CAPN8: variants seen among roughly 807,000 people sequenced by gnomAD.
The protein encoded by CAPN8 is calpain-8.
In CAPN8, 87 loss-of-function variants were observed where a neutral mutation model predicts 80.9. That is an observed-to-expected ratio of 1.07 (90% confidence interval 0.90 to 1.28). The LOEUF (loss-of-function observed/expected upper bound fraction) is 1.28, where lower values mean the gene tolerates loss of function less well. Ranked by LOEUF, CAPN8 falls within the 50% of genes most tolerant of loss-of-function variation. CAPN8 has a pLI of 0.00. For missense variants in CAPN8, 757 were observed against 702.0 expected (o/e 1.08, Z -0.89); for synonymous variants, 299 against 273.8 (o/e 1.09, Z -0.91).
intron 1 of CAPN8, among the ~76,000 whole-genome samples, chr1:223,662,797 T>C (rs1006640293): frequency 2.6e-5 from 4 of 152,212 alleles, no homozygotes; most frequent in Non-Finnish European, 4.4e-5. Flanking sequence ...GAAAAAATAA[T>C]AATGAAGCAT....
chr1:223,657,939 T>C (rs1017458777), intron 1 of CAPN8, among the ~76,000 whole-genome samples: 7 of 152,154 alleles, frequency 4.6e-5, no homozygotes, highest in Non-Finnish European at 2.9e-5. Context: ...CTCTCTGAAA[T>C]TGACTTCCAT....
chr1:223,619,268 G>T (rs940237629), intron 9 of CAPN8, 25 bp downstream of exon 9: 18 of 1,550,502 alleles, frequency 1.2e-5, no homozygotes, highest in Non-Finnish European at 1.3e-5. Context: ...GGAGGAGGTT[G>T]GGCCAAGGCA....
In CAPN8 at chr1:223,628,701, C is replaced by T; in HGVS notation, c.387G>A (p.Gln129=). ...ELLYRVVPRD[Q]DFQENYAGIF... ...TTCCCGCATAGTTCTCCTGGAAGTCCTGGTCCCTGGGGACCACCCGGTAAA... is the reference window on the plus strand; with the variant it reads ...TTCCCGCATAGTTCTCCTGGAAGTCTTGGTCCCTGGGGACCACCCGGTAAA... Residue 129 remains glutamine, a synonymous_variant, in exon 3 of 21, where the codon CAG becomes CAA. Coordinates refer to ENST00000366872, the MANE Select transcript of CAPN8 (RefSeq NM_001143962.2). The T allele has an allele frequency of 6.4e-7, 1 of 1,551,732 alleles. No individual in the cohort carries two copies. The highest frequency in any genetic ancestry group is 8.7e-7 in the Non-Finnish European group (1 of 1,146,974).
chr1:223,618,987 C>T (rs533013678), intron 9 of CAPN8, among the ~76,000 whole-genome samples: 96 of 152,226 alleles, frequency 6.3e-4, no homozygotes, highest in African/African-American at 2.2e-3. Context: ...CCTAGGAGCT[C>T]GAGACCAGCC....
rs537711494 is a variant in CAPN8 at position 223,625,239 on chromosome 1, G to T, written c.813+566C>A. ...GGACTACTGCCCCTTTTCCTGTTTT[G>T]GGATTTTGTGAGTTCCCACTGTTTT... On this transcript the variant is annotated intron_variant, in intron 6 of 20. Coordinates refer to ENST00000366872, the MANE Select transcript of CAPN8 (RefSeq NM_001143962.2). Among the ~76,000 whole-genome samples the T allele has an allele frequency of 1.7e-3, 263 of 152,152 alleles. 2 individuals carry two copies. Among genetic ancestry groups the T allele is most frequent in the African/African-American group, 6.1e-3 (255 of 41,526 alleles).
At chr1:223,633,479 T>C (rs1225464528) in intron 2 of CAPN8, among the ~76,000 whole-genome samples, 3 of 151,006 alleles carry the variant, frequency 2.0e-5, no homozygotes, top group Non-Finnish European at 2.9e-5. Flanking sequence ...CTGGTCAACA[T>C]GGTGAAACCC....
chr1:223,541,959 C>G (rs2102684054), intron 20 of CAPN8, 100 bp from the exon 21 acceptor site: 1 of 1,526,686 alleles, frequency 6.6e-7, no homozygotes, highest in Non-Finnish European at 8.9e-7. Flanking sequence ...ATCTTTTTAT[C>G]TCCATTCTCC....
At chr1:223,647,120 G>A (rs1017685288) in intron 2 of CAPN8, among the ~76,000 whole-genome samples, 1 of 152,136 alleles carries the variant, frequency 6.6e-6, no homozygotes, top group African/African-American at 2.4e-5. Flanking sequence ...CCTCTGAGTA[G>A]GTGACACTGG....
At position 223,616,165 on chromosome 1, in the gene CAPN8, T is replaced by C. The variant is rs752583455; in HGVS notation, c.1136-20A>G. The C allele has an allele frequency of 1.3e-6, 2 of 1,540,108 alleles. No individual in the cohort carries two copies. Among genetic ancestry groups the C allele is most frequent in the Non-Finnish European group, 1.8e-6 (2 of 1,138,840 alleles). Reference sequence around the variant, plus strand: ...ACGTGGCTGGAAGTCACCCAGGTGATGGTGGTTCCCCACGTAGCGGGTGAG... The same window carrying C: ...ACGTGGCTGGAAGTCACCCAGGTGACGGTGGTTCCCCACGTAGCGGGTGAG... On this transcript the variant is annotated intron_variant, in intron 9 of 20. Coordinates refer to ENST00000366872, the MANE Select transcript of CAPN8 (RefSeq NM_001143962.2).
At chr1:223,557,676 C>T (rs36194670) in intron 13 of CAPN8, among the ~76,000 whole-genome samples, 96,294 of 152,100 alleles carry the variant, frequency 0.63, 31,465 homozygotes, top group Non-Finnish European at 0.72. Flanking sequence ...TAGGCACTCC[C>T]CCAGCACCCC....
At chr1:223,622,082 A>G (rs1657415233) in intron 7 of CAPN8, among the ~76,000 whole-genome samples, 1 of 152,184 alleles carries the variant, frequency 6.6e-6, no homozygotes, top group Non-Finnish European at 1.5e-5. Flanking sequence ...TTAGGATTAC[A>G]GGCCTGAGCC....
chr1:223,549,044 A>C (rs764885696), intron 16 of CAPN8, among the ~76,000 whole-genome samples: 7 of 152,150 alleles, frequency 4.6e-5, no homozygotes, highest in Non-Finnish European at 8.8e-5. Context: ...TGCTACCTCC[A>C]GATTACATGA....
chr1:223,625,131 G>T (rs928878388), intron 6 of CAPN8, among the ~76,000 whole-genome samples: 3 of 152,142 alleles, frequency 2.0e-5, no homozygotes, highest in African/African-American at 7.2e-5. Context: ...ATAATGACTA[G>T]TATAGCCCAT....
At chr1:223,631,449 G>T (rs1462755665) in intron 2 of CAPN8, among the ~76,000 whole-genome samples, 2 of 151,972 alleles carry the variant, frequency 1.3e-5, no homozygotes, top group African/African-American at 2.4e-5. Context: ...CACCTCCCCA[G>T]CAAGTTCTAA....
chr1:223,541,779 G>C lies in CAPN8; in HGVS notation c.*57C>G. Reference sequence around the variant, plus strand: ...AAATGTTCACAAAATTGTAGAGAAGGGGTGACAAGAAGCAAGCAGTGGGGC... The same window carrying C: ...AAATGTTCACAAAATTGTAGAGAAGCGGTGACAAGAAGCAAGCAGTGGGGC... On this transcript the variant is annotated 3_prime_UTR_variant, in exon 21 of 21. Coordinates refer to ENST00000366872, the MANE Select transcript of CAPN8 (RefSeq NM_001143962.2). 6.4e-7 allele frequency: 1 copy of C among 1,551,318 alleles called. No individual in the cohort carries two copies. Among genetic ancestry groups the C allele is most frequent in the Non-Finnish European group, 8.7e-7 (1 of 1,146,862 alleles).
At chr1:223,640,387 A>G (rs775808337) in intron 2 of CAPN8, among the ~76,000 whole-genome samples, 1 of 152,196 alleles carries the variant, frequency 6.6e-6, no homozygotes, top group Non-Finnish European at 1.5e-5. Flanking sequence ...TCTACTGCCT[A>G]TAGGAAAACA....
At chr1:223,632,639 G>A (rs1027493382) in intron 2 of CAPN8, among the ~76,000 whole-genome samples, 2 of 151,984 alleles carry the variant, frequency 1.3e-5, no homozygotes, top group Non-Finnish European at 2.9e-5. Flanking sequence ...CTAAGTGCTG[G>A]GATTATAAGC....
At chr1:223,645,746 A>G (rs1397391235) in intron 2 of CAPN8, among the ~76,000 whole-genome samples, 2 of 152,216 alleles carry the variant, frequency 1.3e-5, no homozygotes, top group African/African-American at 2.4e-5. Flanking sequence ...GCAAGAATGC[A>G]GACCAAAGTA....
At chr1:223,614,662 T>C (rs1657120736) in intron 10 of CAPN8, among the ~76,000 whole-genome samples, 1 of 152,212 alleles carries the variant, frequency 6.6e-6, no homozygotes, top group African/African-American at 2.4e-5. Flanking sequence ...CTGTTGCCAG[T>C]GGAGTGTGCA....
Sources: gnomAD v4.1 joint callset for allele counts (sites outside exome capture counted in the v4.1 genomes callset) on GRCh38, gnomAD v4.1.1 for gene constraint, MANE v1.5 for transcripts, NCBI Gene and HGNC (gene_info 2026-07-23, HGNC 2026-07-21) for gene names.